XPNPEP3: variants seen among roughly 807,000 people sequenced by gnomAD.
XPNPEP3 encodes xaa-Pro aminopeptidase 3.
XPNPEP3 carries 41 observed loss-of-function variants against 60.0 expected under a neutral mutation model. That is an observed-to-expected ratio of 0.68 (90% CI 0.53 to 0.89). The LOEUF (loss-of-function observed/expected upper bound fraction) is 0.89, where lower values mean the gene tolerates loss of function less well. Among genes scored for constraint, XPNPEP3 ranks in the 40% least tolerant of loss-of-function variants. The pLI is 0.00. For synonymous variants in XPNPEP3, 212 were observed against 223.2 expected (o/e 0.95, Z 0.45); for missense variants, 598 against 638.9 (o/e 0.94, Z 0.69).
At chr22:40,876,320 G>C (rs1171412165) in intron 2 of XPNPEP3, among the ~76,000 whole-genome samples, 1 of 152,144 alleles carries the variant, frequency 6.6e-6, no homozygotes, top group East Asian at 1.9e-4. Flanking sequence ...GATCCTGCCT[G>C]GCTTTGGATT....
At chr22:40,862,545 G>C in intron 1 of XPNPEP3, 1 of 985,474 alleles carries the variant, frequency 1.0e-6, no homozygotes, top group Non-Finnish European at 1.2e-6. Context: ...AAGTAACTTA[G>C]TTACAATATA....
At chr22:40,873,516 A>G (rs1051396795) in intron 2 of XPNPEP3, among the ~76,000 whole-genome samples, 4 of 152,096 alleles carry the variant, frequency 2.6e-5, no homozygotes, top group East Asian at 1.9e-4. Context: ...TTTCATCTCT[A>G]TCGTCAACTA....
intron 8 of XPNPEP3, among the ~76,000 whole-genome samples, chr22:40,923,723 A>G (rs1201086986): frequency 6.6e-6 from 1 of 152,132 alleles, no homozygotes; most frequent in African/African-American, 2.4e-5. Context: ...ATGGTGGTAC[A>G]TGACTATAAT....
At chr22:40,919,786 A>C (rs2058209692) in intron 7 of XPNPEP3, among the ~76,000 whole-genome samples, 1 of 152,208 alleles carries the variant, frequency 6.6e-6, no homozygotes, top group Non-Finnish European at 1.5e-5. Context: ...CAGGAGAATG[A>C]ATATGCAAAT....
At position 40,901,309 on chromosome 22, in the gene XPNPEP3, A is replaced by G. The variant is rs2058131950; in HGVS notation, c.793-6278A>G. On this transcript the variant is annotated intron_variant, in intron 4 of 9. Coordinates refer to ENST00000357137, the MANE Select transcript of XPNPEP3 (RefSeq NM_022098.4). ...GAGTGCAATGGCCCAATCTCTGCTC[A>G]CCGCAACCTCCACCTCCCAGGTTCA... 2.1e-5 allele frequency among the ~76,000 whole-genome samples: 3 copies of G among 141,010 alleles called. No individual in the cohort carries two copies. In the South Asian group the frequency reaches 6.5e-4, roughly 30 times the overall value. 92.5% of individuals were successfully genotyped at this position (141,010 alleles called of 152,430 possible).
intron 2 of XPNPEP3, among the ~76,000 whole-genome samples, chr22:40,875,831 T>C (rs550950739): frequency 2.0e-5 from 3 of 146,658 alleles, no homozygotes; most frequent in African/African-American, 7.6e-5. Context: ...CTGGCCAACG[T>C]AGCAAACTCC....
At position 40,914,180 on chromosome 22, in the gene XPNPEP3, AC is replaced by A. The variant is rs140239511; in HGVS notation, c.970-58del. 3.3e-3 allele frequency: 4,609 copies of A among 1,409,990 alleles called. 140 individuals are homozygous for A. In the African/African-American group the frequency reaches 0.059, roughly 18 times the overall value. The allele number at this position is 1,409,990 out of a possible 1,614,324, so 87.3% of individuals were successfully genotyped here. A position where few individuals can be genotyped will look rare whatever the true frequency, so the allele number is the denominator to read the frequency against. On this transcript the variant is annotated intron_variant, in intron 6 of 9. Transcript: ENST00000357137. ...AAAAAAGAAAGGCATACTTTGGATT[AC>A]TAGAAACAACTTATAATCATGAGCT...
intron 4 of XPNPEP3, among the ~76,000 whole-genome samples, chr22:40,894,877 T>C (rs1341226810): frequency 1.3e-5 from 2 of 152,206 alleles, no homozygotes; most frequent in African/African-American, 4.8e-5. Flanking sequence ...TGTCCAGTTA[T>C]TTGTGACCCA....
At chr22:40,862,888 C>G in intron 1 of XPNPEP3, 1 of 278,216 alleles carries the variant, frequency 3.6e-6, no homozygotes, top group Non-Finnish European at 5.4e-6. Flanking sequence ...TAATAGAATA[C>G]AAATAGGAGA....
intron 6 of XPNPEP3, among the ~76,000 whole-genome samples, chr22:40,913,054 G>T (rs1236694667): frequency 6.6e-6 from 1 of 152,020 alleles, no homozygotes; most frequent in Non-Finnish European, 1.5e-5. Context: ...ACTTAGATAT[G>T]AATAACATAT....
intron 4 of XPNPEP3, among the ~76,000 whole-genome samples, chr22:40,906,018 C>T (rs1327720319): frequency 2.0e-5 from 3 of 152,110 alleles, no homozygotes. Flanking sequence ...GACTCAAACT[C>T]TTGACCTCAT....
intron 1 of XPNPEP3, chr22:40,861,157 G>C: frequency 6.2e-7 from 1 of 1,613,950 alleles, no homozygotes; most frequent in East Asian, 2.2e-5. Context: ...GAGAAAATAG[G>C]GGGATCTCTG....
At chr22:40,916,298 AG>A (rs1482782425) in intron 7 of XPNPEP3, among the ~76,000 whole-genome samples, 2 of 152,008 alleles carry the variant, frequency 1.3e-5, no homozygotes, top group African/African-American at 2.4e-5. Flanking sequence ...TCTCAAACAA[AG>A]GAAAAAAAAA....
At chr22:40,879,463 T>G (rs2058039283) in intron 2 of XPNPEP3, among the ~76,000 whole-genome samples, 1 of 152,310 alleles carries the variant, frequency 6.6e-6, no homozygotes, top group East Asian at 1.9e-4. Context: ...CCCAACACTT[T>G]GGGAGGCCGA....
At chr22:40,914,188 C>T (rs2058186863) in intron 6 of XPNPEP3, 51 bp from the exon 7 acceptor site, 1 of 1,388,056 alleles carries the variant, frequency 7.2e-7, no homozygotes, top group Admixed American at 1.7e-5. Flanking sequence ...TTACTAGAAA[C>T]AACTTATAAT....
intron 3 of XPNPEP3, 125 bp downstream of exon 3, chr22:40,882,302 A>G: frequency 9.6e-7 from 1 of 1,043,916 alleles, no homozygotes; most frequent in Non-Finnish European, 1.4e-6. Flanking sequence ...AGCACCATGA[A>G]AGAAATGTAA....
At chr22:40,858,522 C>CTTTT (rs34319696) in intron 1 of XPNPEP3, among the ~76,000 whole-genome samples, 61 of 85,492 alleles carry the variant, frequency 7.1e-4, no homozygotes, top group South Asian at 9.0e-4. Context: ...GCTGGAGAAG[C>CTTTT]TTTTTTTTTT....
intron 4 of XPNPEP3, among the ~76,000 whole-genome samples, chr22:40,902,050 A>C (rs1688034697): frequency 6.6e-6 from 1 of 151,562 alleles, no homozygotes; most frequent in African/African-American, 2.4e-5. Flanking sequence ...GGTGTCTTCT[A>C]AACATTCCTT....
chr22:40,912,006 G>C (rs1436074396), intron 6 of XPNPEP3, among the ~76,000 whole-genome samples: 2 of 152,180 alleles, frequency 1.3e-5, no homozygotes, highest in East Asian at 1.9e-4. Flanking sequence ...GATTCCAGCT[G>C]TCTTCTGTGA....
Sources: gnomAD v4.1 joint callset for allele counts (sites outside exome capture counted in the v4.1 genomes callset) on GRCh38, gnomAD v4.1.1 for gene constraint, MANE v1.5 for transcripts, NCBI Gene and HGNC (gene_info 2026-07-23, HGNC 2026-07-21) for gene names.